Variants in SCAF8 observed in about 807,000 individuals in gnomAD.
SCAF8 encodes the protein SR-related and CTD-associated factor 8.
Under a neutral mutation model 140.5 loss-of-function variants are expected in SCAF8, and 23 were observed. That is an observed-to-expected ratio of 0.16 (90% CI 0.12 to 0.23). SCAF8 has a LOEUF of 0.23. SCAF8 is among the 10% of genes least tolerant of loss of function. SCAF8 has a pLI of 1.00. For missense variants in SCAF8, 1,397 were observed against 1,555.7 expected, an observed-to-expected ratio of 0.90 and a Z score of 1.72; for synonymous variants, 575 against 528.9, an observed-to-expected ratio of 1.09 and a Z score of -1.20.
intron 1 of SCAF8, among the ~76,000 whole-genome samples, chr6:154,766,801 G>A (rs1776584866): frequency 6.6e-6 from 1 of 151,694 alleles, no homozygotes; most frequent in Non-Finnish European, 1.5e-5. Flanking sequence ...GTGCTTCACG[G>A]GTTTCAAAGC....
chr6:154,806,928 C>T (rs543509800), intron 9 of SCAF8, among the ~76,000 whole-genome samples: 12 of 152,278 alleles, frequency 7.9e-5, no homozygotes, highest in Admixed American at 5.9e-4. Flanking sequence ...AAACAAACAG[C>T]TCGTCAGTGA....
Position 154,760,570 on chromosome 6 carries a change from GCTAA to G in SCAF8, c.31-13416_31-13413del, listed in dbSNP as rs371911128. The stretch of plus-strand genomic sequence containing the variant: ...ATTATTGCATACTTAACTACACTCT[GCTAA>G]CTGTGTCTATTAGTTTAGTAGAATA... On this transcript the variant is annotated intron_variant, in intron 1 of 19. Transcript: ENST00000367178. Among the ~76,000 whole-genome samples, 99 of 152,168 alleles carry G rather than the reference GCTAA, an allele frequency of 6.5e-4. 5 individuals carry two copies. The South Asian group carries it at 0.017, about 26-fold the overall frequency.
At chr6:154,742,273 T>G (rs1036417459) in intron 1 of SCAF8, among the ~76,000 whole-genome samples, 3 of 152,144 alleles carry the variant, frequency 2.0e-5, no homozygotes, top group Non-Finnish European at 4.4e-5. Flanking sequence ...TTTTGTTATG[T>G]TTACTTGTAT....
At chr6:154,781,120 TAAGC>T (rs1300268592) in intron 3 of SCAF8, among the ~76,000 whole-genome samples, 2 of 152,136 alleles carry the variant, frequency 1.3e-5, no homozygotes, top group Non-Finnish European at 2.9e-5. Flanking sequence ...CTTAAACTGA[TAAGC>T]AACCTCAGCG....
At chr6:154,785,249 TTGTG>T (rs909221792) in intron 3 of SCAF8, among the ~76,000 whole-genome samples, 3 of 152,170 alleles carry the variant, frequency 2.0e-5, no homozygotes, top group African/African-American at 7.2e-5. Flanking sequence ...TCTGTTGACA[TTGTG>T]TGTGTTTTCT....
intron 1 of SCAF8, among the ~76,000 whole-genome samples, chr6:154,756,079 C>T (rs899897049): frequency 6.6e-6 from 1 of 152,106 alleles, no homozygotes; most frequent in Non-Finnish European, 1.5e-5. Flanking sequence ...TTATACATCC[C>T]TCCCCCAGTA....
At chr6:154,796,353 TTCTCTCTCTC>T (rs532893908) in intron 6 of SCAF8, among the ~76,000 whole-genome samples, 61 of 75,246 alleles carry the variant, frequency 8.1e-4, no homozygotes, top group Admixed American at 5.9e-3. Context: ...TGCAATCCTG[TTCTCTCTCTC>T]TCTCTCTCTC....
intron 4 of SCAF8, among the ~76,000 whole-genome samples, chr6:154,792,147 A>C: frequency 6.6e-6 from 1 of 152,152 alleles, no homozygotes; most frequent in Non-Finnish European, 1.5e-5. Flanking sequence ...GACATTCTGC[A>C]AGGGGAAAGG....
intron 15 of SCAF8, among the ~76,000 whole-genome samples, chr6:154,821,096 C>A (rs1778410227): frequency 6.6e-6 from 1 of 152,054 alleles, no homozygotes; most frequent in Non-Finnish European, 1.5e-5. Context: ...CCAGTGTATT[C>A]ACTTAATACA....
intron 6 of SCAF8, among the ~76,000 whole-genome samples, chr6:154,799,685 T>A (rs4870312): frequency 0.51 from 76,932 of 150,908 alleles, 21,168 homozygotes; most frequent in East Asian, 0.9. Context: ...TGAAGTTTTT[T>A]ATACTGAAAA....
intron 1 of SCAF8, among the ~76,000 whole-genome samples, chr6:154,744,597 A>C (rs568273266): frequency 6.6e-6 from 1 of 152,212 alleles, no homozygotes; most frequent in Non-Finnish European, 1.5e-5. Flanking sequence ...ATGCAGTTCT[A>C]TAAGCATTAG....
At chr6:154,793,394 G>A (rs960728666) in intron 5 of SCAF8, among the ~76,000 whole-genome samples, 13 of 151,566 alleles carry the variant, frequency 8.6e-5, no homozygotes, top group African/African-American at 2.7e-4. Context: ...GCATTTAAAT[G>A]ACTATGATAA....
intron 6 of SCAF8, among the ~76,000 whole-genome samples, chr6:154,797,080 CACTT>C (rs1479547894): frequency 1.5e-4 from 23 of 151,434 alleles, no homozygotes; most frequent in African/African-American, 5.6e-4. Flanking sequence ...TATTTGTATT[CACTT>C]ACGCTACCTT....
chr6:154,754,562 G>C (rs1454651052), intron 1 of SCAF8, among the ~76,000 whole-genome samples: 1 of 152,164 alleles, frequency 6.6e-6, no homozygotes, highest in Non-Finnish European at 1.5e-5. Context: ...ATCTTATCAG[G>C]CCATTCTGAA....
At chr6:154,750,909 T>C (rs1444212405) in intron 1 of SCAF8, among the ~76,000 whole-genome samples, 1 of 152,218 alleles carries the variant, frequency 6.6e-6, no homozygotes, top group Non-Finnish European at 1.5e-5. Context: ...CATTTCATTG[T>C]TAATAGTACT....
intron 1 of SCAF8, among the ~76,000 whole-genome samples, chr6:154,747,937 T>TGTGTAC (rs1220589550): frequency 6.8e-6 from 1 of 146,444 alleles, no homozygotes; most frequent in African/African-American, 2.5e-5. Flanking sequence ...TGTGTGTGTG[T>TGTGTAC]ACTAGAAATG....
rs780873075 is a variant in SCAF8, at chr6:154,759,827, G to A, written c.31-14162G>A. ...ACTACAGGCGCCTGCCACCACGCCCGGCTAATTTTTTTGTATTTTTTAGTA... is the reference window on the plus strand; with the variant it reads ...ACTACAGGCGCCTGCCACCACGCCCAGCTAATTTTTTTGTATTTTTTAGTA... On this transcript the variant is annotated intron_variant, in intron 1 of 19. Transcript: ENST00000367178. 2.0e-3 allele frequency among the ~76,000 whole-genome samples: 298 copies of A among 151,932 alleles called. 2 individuals carry two copies. The highest frequency in any genetic ancestry group is 3.8e-3 in the Non-Finnish European group (256 of 67,944).
rs538348879 is a variant in SCAF8, at chr6:154,791,441, C to T, written c.322-1382C>T. ...GGGTATAAGTAATTAAATAGAAGTACGTTATAGTATCGCTATAAGAAGAGC... is the reference window on the plus strand; with the variant it reads ...GGGTATAAGTAATTAAATAGAAGTATGTTATAGTATCGCTATAAGAAGAGC... On this transcript the variant is annotated intron_variant, in intron 4 of 19. Transcript: ENST00000367178. 3.1e-4 allele frequency among the ~76,000 whole-genome samples: 47 copies of T among 152,176 alleles called. 2 individuals carry two copies. Among genetic ancestry groups the T allele is most frequent in the African/African-American group, 1.4e-4 (6 of 41,510 alleles).
chr6:154,765,268 G>A (rs1409252530), intron 1 of SCAF8, among the ~76,000 whole-genome samples: 2 of 152,132 alleles, frequency 1.3e-5, no homozygotes, highest in Admixed American at 1.3e-4. Flanking sequence ...GGTCTTTGGA[G>A]GATTAAGTTT....
Sources: gnomAD v4.1 joint callset for allele counts (sites outside exome capture counted in the v4.1 genomes callset) on GRCh38, gnomAD v4.1.1 for gene constraint, MANE v1.5 for transcripts, NCBI Gene and HGNC (gene_info 2026-07-23, HGNC 2026-07-21) for gene names.